The following NELFB variants were observed in gnomAD, a reference collection of about 807,000 sequenced individuals.
The protein encoded by NELFB is negative elongation factor B.
A neutral mutation model predicts 60.2 loss-of-function variants in NELFB; 34 were observed. That is an observed-to-expected ratio of 0.56 (90% confidence interval 0.43 to 0.75). NELFB has a LOEUF of 0.75. Ranked by LOEUF, NELFB falls within the 30% of genes least tolerant of loss-of-function variation. The pLI is 0.00. For missense variants in NELFB, 770 were observed against 831.6 expected (o/e 0.93, Z 0.91); for synonymous variants, 459 against 382.1 (o/e 1.20, Z -2.35).
intron 4 of NELFB, among the ~76,000 whole-genome samples, chr9:137,257,370 C>T (rs1274156997): frequency 6.6e-6 from 1 of 152,258 alleles, no homozygotes; most frequent in Non-Finnish European, 1.5e-5. Context: ...GCTCTGTTGC[C>T]CAGGCTGGAG....
rs942831307 is a variant in NELFB, at chr9:137,273,305, T to C, written c.*377T>C. 5.2e-6 allele frequency: 1 copy of C among 191,442 alleles called. No individual in the cohort carries two copies. The highest frequency in any genetic ancestry group is 1.1e-5 in the Non-Finnish European group (1 of 92,794). The allele number at this position is 191,442 out of a possible 1,614,324, so 11.9% of individuals were successfully genotyped here. A position where few individuals can be genotyped will look rare whatever the true frequency, so the allele number is the denominator to read the frequency against. On this transcript the variant is annotated 3_prime_UTR_variant, in exon 13 of 13. Coordinates refer to ENST00000343053, the MANE Select transcript of NELFB (RefSeq NM_015456.5). ...AAGCGAGGCACACTGCTTACTGCCT[T>C]GGGGTTGTGGAGATGGACCCGTGAC...
chr9:137,271,150 G>A (rs931818672), intron 10 of NELFB, among the ~76,000 whole-genome samples: 2 of 152,268 alleles, frequency 1.3e-5, no homozygotes, highest in Admixed American at 6.5e-5. Context: ...GCCCAGTGGG[G>A]CCTTGCTGCT....
In NELFB at chr9:137,269,643, G is replaced by C. The variant is rs1830558997; in HGVS notation, c.1489+2297G>C. On this transcript the variant is annotated intron_variant, in intron 10 of 12. Coordinates refer to ENST00000343053, the MANE Select transcript of NELFB (RefSeq NM_015456.5). This position sits in a 1 kb window ranked among gnomAD's most constrained non-coding sequence, Gnocchi z 5.3. ...CCTTCAGTACTCAGTACAGCCATGT[G>C]CTGTGCAGGTGTCTAGCTCAGGGGC... is the stretch of plus-strand genomic sequence containing the variant. Among the ~76,000 whole-genome samples the C allele has an allele frequency of 6.6e-6, 1 of 152,254 alleles. No homozygotes were observed.
At chr9:137,256,717 G>T in intron 3 of NELFB, 107 bp from the exon 4 acceptor site, 2 of 1,014,116 alleles carry the variant, frequency 2.0e-6, no homozygotes, top group Non-Finnish European at 2.9e-6. Flanking sequence ...CCTGTGGGGT[G>T]GAGCTTAGCT....
chr9:137,272,247 C>A (rs374642572), intron 11 of NELFB, 25 bp downstream of exon 11: 1 of 1,611,698 alleles, frequency 6.2e-7, no homozygotes, highest in African/African-American at 1.3e-5. Context: ...TACCATCCGG[C>A]CCGCTCTGTC....
chr9:137,271,352 G>A (rs941706664), intron 10 of NELFB, among the ~76,000 whole-genome samples: 64 of 152,254 alleles, frequency 4.2e-4, no homozygotes, highest in African/African-American at 2.4e-5. Context: ...GGGATACTAG[G>A]AAGGCCATCC....
At chr9:137,268,142 C>G (rs1216383120) in intron 10 of NELFB, among the ~76,000 whole-genome samples, 1 of 152,068 alleles carries the variant, frequency 6.6e-6, no homozygotes, top group Non-Finnish European at 1.5e-5. Context: ...TGCTGTGGGT[C>G]CCATGGGAGA....
intron 4 of NELFB, among the ~76,000 whole-genome samples, chr9:137,260,175 G>T (rs879730664): frequency 1.5e-4 from 23 of 149,310 alleles, no homozygotes; most frequent in Admixed American, 4.0e-4. Context: ...TCAGCCTCCC[G>T]AGTGGCTGGG....
Position 137,256,464 on chromosome 9 carries a change from G to A in NELFB, c.510+36G>A, listed in dbSNP as rs765258310. On this transcript the variant is annotated intron_variant, in intron 3 of 12. Transcript: ENST00000343053. ...AACCCTAACCCTGATGGCGTGGACCGTCCGCCCACTCTCATGCCCTTGGTT... is the reference window on the plus strand; with the variant it reads ...AACCCTAACCCTGATGGCGTGGACCATCCGCCCACTCTCATGCCCTTGGTT... 9 of 1,572,350 alleles carry A rather than the reference G, an allele frequency of 5.7e-6. No homozygotes were observed. In the South Asian group the frequency reaches 6.6e-5, roughly 12 times the overall value.
At chr9:137,266,224 C>A in intron 7 of NELFB, 107 bp from the exon 8 acceptor site, 1 of 1,009,672 alleles carries the variant, frequency 9.9e-7, no homozygotes, top group Non-Finnish European at 1.5e-6. Context: ...TCGTGTGGTC[C>A]TGGCCATGGG....
At position 137,263,271 on chromosome 9, in the gene NELFB, G is replaced by GCCCT. The variant is rs757542677; in HGVS notation, c.927+60_927+63dup. 35 of 1,505,458 alleles carry GCCCT rather than the reference G, an allele frequency of 2.3e-5. 1 individual carries two copies. In the South Asian group the frequency reaches 2.5e-4, roughly 11 times the overall value. 93.3% of individuals were successfully genotyped at this position (1,505,458 alleles called of 1,614,324 possible). A position where few individuals can be genotyped will look rare whatever the true frequency, so the allele number is the denominator to read the frequency against. ...CCCCTACCCTCCTGAAGGTAGTGCT[G>GCCCT]CCCTCCCTCCCTCCTTCCCTCCCAC... On this transcript the variant is annotated intron_variant, in intron 5 of 12. Coordinates refer to ENST00000343053, the MANE Select transcript of NELFB (RefSeq NM_015456.5).
Position 137,256,856 on chromosome 9 carries a change from T to C in NELFB, c.543T>C (p.Ala181=). Residue 181 remains alanine (A), a synonymous_variant, in exon 4 of 13, where the codon GCT becomes GCC. Transcript: ENST00000343053. ...AGAAAAAACTGAAGCTGGTTATGGC[T>C]GACAAGGAGCTGTATCGAGCCTGCG... 2 of 1,614,174 alleles carry C rather than the reference T, an allele frequency of 1.2e-6. No homozygotes were observed. The highest frequency in any genetic ancestry group is 1.7e-6 in the Non-Finnish European group (2 of 1,180,046).
At chr9:137,271,506 G>A (rs573231961) in intron 10 of NELFB, among the ~76,000 whole-genome samples, 1 of 152,404 alleles carries the variant, frequency 6.6e-6, no homozygotes, top group African/African-American at 2.4e-5. Flanking sequence ...CAACACCGTG[G>A]CTTCTGTGCT....
intron 6 of NELFB, among the ~76,000 whole-genome samples, chr9:137,265,031 CTTTTTTTTTTTTT>C (rs60479210): frequency 7.9e-6 from 1 of 126,178 alleles, no homozygotes; most frequent in African/African-American, 3.1e-5. Flanking sequence ...TTTTTTCTTC[CTTTTTTTTTTTTT>C]TTTTTTTTTT....
Position 137,266,900 on chromosome 9 carries a change from C to T in NELFB, c.1240-44C>T, listed in dbSNP as rs200103773. The T allele has an allele frequency of 1.0e-3, 1,657 of 1,601,992 alleles. 29 individuals are homozygous for T. In the East Asian group the frequency reaches 0.032, roughly 31 times the overall value. ...TGTGTCACGTCAGGGTGGGGTGGGGCAGGGCCCGGGCCCGCGCCCGCTCAT... is the reference window on the plus strand; with the variant it reads ...TGTGTCACGTCAGGGTGGGGTGGGGTAGGGCCCGGGCCCGCGCCCGCTCAT... On this transcript the variant is annotated intron_variant, in intron 8 of 12. Coordinates refer to ENST00000343053, the MANE Select transcript of NELFB (RefSeq NM_015456.5).
intron 4 of NELFB, among the ~76,000 whole-genome samples, chr9:137,260,103 G>A (rs1038354139): frequency 2.0e-5 from 3 of 149,084 alleles, no homozygotes; most frequent in African/African-American, 7.4e-5. Flanking sequence ...AGGCTGGAGT[G>A]CAGTGGTGCA....
At chr9:137,271,038 G>T (rs1830577970) in intron 10 of NELFB, among the ~76,000 whole-genome samples, 2 of 152,398 alleles carry the variant, frequency 1.3e-5, no homozygotes, top group Middle Eastern at 3.4e-3. Flanking sequence ...GGTGTCTCCT[G>T]CCTGCTGTGT....
intron 4 of NELFB, among the ~76,000 whole-genome samples, 182 bp downstream of exon 4, chr9:137,257,236 T>C (rs987887751): frequency 6.6e-6 from 1 of 152,294 alleles, no homozygotes; most frequent in Non-Finnish European, 1.5e-5. Context: ...GTTGTTTTTC[T>C]GTTTGCATTT....
chr9:137,261,391 C>T (rs1467547374), intron 4 of NELFB, among the ~76,000 whole-genome samples: 1 of 146,474 alleles, frequency 6.8e-6, no homozygotes, highest in African/African-American at 2.5e-5. Context: ...AGGTGTGTGG[C>T]TCATGCCTGC....
Sources: gnomAD v4.1 joint callset for allele counts (sites outside exome capture counted in the v4.1 genomes callset) on GRCh38, gnomAD v4.1.1 for gene constraint, Gnocchi (gnomAD v3.1) non-coding constraint, MANE v1.5 for transcripts, NCBI Gene and HGNC (gene_info 2026-07-23, HGNC 2026-07-21) for gene names.